BBS9: variants seen among roughly 807,000 people sequenced by gnomAD.
BBS9 encodes the protein Bardet-Biedl syndrome 9.
BBS9 carries 89 observed loss-of-function variants against 117.7 expected under a neutral mutation model. That is an observed-to-expected ratio of 0.76 (90% CI 0.64 to 0.90). BBS9 has a LOEUF of 0.90. Among genes scored for constraint, BBS9 ranks in the 40% least tolerant of loss-of-function variants. The pLI, the probability that BBS9 is intolerant of heterozygous loss-of-function variation, is 0.00. For missense variants in BBS9, 982 were observed against 1,042.2 expected (o/e 0.94, Z 0.80); for synonymous variants, 379 against 370.9 (o/e 1.02, Z -0.25).
chr7:33,226,803 G>T (rs141881918), intron 5 of BBS9, among the ~76,000 whole-genome samples: 1 of 152,156 alleles, frequency 6.6e-6, no homozygotes, highest in Non-Finnish European at 1.5e-5. Context: ...GACAAATATT[G>T]TATGATTCTT....
intron 1 of BBS9, among the ~76,000 whole-genome samples, chr7:33,144,492 G>A (rs1392873775): frequency 6.6e-6 from 1 of 152,212 alleles, no homozygotes; most frequent in African/African-American, 2.4e-5. Context: ...TGATGCACAT[G>A]TTCCCAGCTG....
chr7:33,379,572 A>C lies in BBS9; in HGVS notation c.1790-4094A>C, dbSNP rs558550937. Among the ~76,000 whole-genome samples, 5 of 152,316 alleles carry C rather than the reference A, an allele frequency of 3.3e-5. No individual in the cohort carries two copies. The East Asian group carries it at 5.8e-4, about 18-fold the overall frequency. ...GAAATTTCTGTAAAAATTTACAGCT[A>C]TATTTGAAATGACAGTAAATCGTAT... is the stretch of plus-strand genomic sequence containing the variant. On this transcript the variant is annotated intron_variant, in intron 17 of 22. Transcript: ENST00000242067.
chr7:33,574,964 G>A (rs73321064), intron 21 of BBS9, among the ~76,000 whole-genome samples: 5,855 of 151,906 alleles, frequency 0.039, 386 homozygotes, highest in African/African-American at 0.13. Context: ...TCTTGCTTAC[G>A]ATTAATTAAA....
chr7:33,229,428 A>G (rs910532947), intron 5 of BBS9, among the ~76,000 whole-genome samples: 19 of 151,804 alleles, frequency 1.3e-4, no homozygotes, highest in Non-Finnish European at 2.4e-4. Context: ...TGTTCTATGT[A>G]TTGGAGTTTT....
Position 33,336,570 on chromosome 7 carries a change from T to C in BBS9, c.1146T>C (p.Asp382=). 1 of 1,613,104 alleles carries C rather than the reference T, an allele frequency of 6.2e-7. No homozygotes were observed. Among genetic ancestry groups the C allele is most frequent in the African/African-American group, 1.3e-5 (1 of 75,036 alleles). The change falls in exon 10 of 23, where the codon GAT becomes GAC. Residue 382 remains aspartate (D), a synonymous_variant. Coordinates refer to ENST00000242067, the MANE Select transcript of BBS9 (RefSeq NM_198428.3). The part of the protein sequence containing the change: ...QSRELNYDEL[D]VEMKELQKII... ...GAGAACTAAACTATGATGAACTTGA[T>C]GTAGAAATGAAAGAACTTCAGAAAA...
intron 21 of BBS9, among the ~76,000 whole-genome samples, chr7:33,601,140 G>A (rs1013151612): frequency 6.6e-6 from 1 of 152,172 alleles, no homozygotes; most frequent in African/African-American, 2.4e-5. Context: ...ATTTGAGGAT[G>A]GAGTGAGTTA....
chr7:33,161,705 C>T (rs1794877198), intron 4 of BBS9, among the ~76,000 whole-genome samples: 2 of 152,182 alleles, frequency 1.3e-5, no homozygotes, highest in South Asian at 4.1e-4. Context: ...CACTGCCTTC[C>T]ACGATGGTTG....
At chr7:33,279,976 C>T (rs1479173668) in intron 9 of BBS9, among the ~76,000 whole-genome samples, 1 of 152,144 alleles carries the variant, frequency 6.6e-6, no homozygotes, top group Non-Finnish European at 1.5e-5. Flanking sequence ...AAGATGAGAA[C>T]CATTCTAAAC....
intron 19 of BBS9, among the ~76,000 whole-genome samples, chr7:33,488,605 T>G (rs1843437275): frequency 6.6e-6 from 1 of 152,200 alleles, no homozygotes; most frequent in Admixed American, 6.5e-5. Flanking sequence ...TTTGAAGGTC[T>G]TTTCAGATTC....
At chr7:33,469,716 T>C (rs928159902) in intron 19 of BBS9, among the ~76,000 whole-genome samples, 4 of 152,024 alleles carry the variant, frequency 2.6e-5, no homozygotes, top group Admixed American at 2.0e-4. Flanking sequence ...ACCCCACAAC[T>C]TTCCCAGCTG....
Position 33,448,329 on chromosome 7 carries a change from G to A in BBS9, c.2116-57134G>A, listed in dbSNP as rs554516260. Among the ~76,000 whole-genome samples, 40 of 152,182 alleles carry A rather than the reference G, an allele frequency of 2.6e-4. No homozygotes were observed. The East Asian group carries it at 7.7e-3, about 29-fold the overall frequency. ...TGGGCTTGGGTTGGTTTTCCAGATCGTGTCTTTTCCTGTCTGTGATGTAGT... is the reference window on the plus strand; with the variant it reads ...TGGGCTTGGGTTGGTTTTCCAGATCATGTCTTTTCCTGTCTGTGATGTAGT... On this transcript the variant is annotated intron_variant, in intron 19 of 22. Transcript: ENST00000242067.
At chr7:33,375,575 ATTTC>A (rs370471689) in intron 17 of BBS9, among the ~76,000 whole-genome samples, 10,460 of 147,390 alleles carry the variant, frequency 0.071, 284 homozygotes, top group South Asian at 0.13. Flanking sequence ...CTAATTGCAA[ATTTC>A]TTTCTTTCTT....
chr7:33,238,260 C>T (rs1226127645), intron 5 of BBS9, among the ~76,000 whole-genome samples: 2 of 151,950 alleles, frequency 1.3e-5, no homozygotes, highest in African/African-American at 4.8e-5. Flanking sequence ...GGGGCCTGAA[C>T]TTCAGGAATA....
chr7:33,468,776 C>T (rs1408581984), intron 19 of BBS9, among the ~76,000 whole-genome samples: 1 of 152,110 alleles, frequency 6.6e-6, no homozygotes, highest in Non-Finnish European at 1.5e-5. Flanking sequence ...CTTTCTGTGC[C>T]TGGCTTATTT....
intron 21 of BBS9, among the ~76,000 whole-genome samples, chr7:33,601,677 A>AAAG (rs1444042528): frequency 2.0e-5 from 3 of 152,090 alleles, no homozygotes; most frequent in Non-Finnish European, 4.4e-5. Context: ...GAGCAAGGCC[A>AAAG]AAGAGGCCTT....
chr7:33,575,852 A>G (rs1293466253), intron 21 of BBS9, among the ~76,000 whole-genome samples: 1 of 151,880 alleles, frequency 6.6e-6, no homozygotes, highest in African/African-American at 2.4e-5. Flanking sequence ...ACAAAATTCA[A>G]CAGCCCTTCA....
chr7:33,504,097 A>G (rs1845823427), intron 19 of BBS9, among the ~76,000 whole-genome samples: 1 of 152,192 alleles, frequency 6.6e-6, no homozygotes, highest in Non-Finnish European at 1.5e-5. Flanking sequence ...TGTGGACTGT[A>G]AGATATTGTG....
intron 20 of BBS9, among the ~76,000 whole-genome samples, chr7:33,527,076 G>A (rs1475901561): frequency 6.6e-6 from 1 of 151,810 alleles, no homozygotes; most frequent in Admixed American, 6.6e-5. Flanking sequence ...CAGGGGTCAG[G>A]CACCCACTTG....
At chr7:33,397,781 C>T (rs1271389710) in intron 19 of BBS9, among the ~76,000 whole-genome samples, 1 of 152,058 alleles carries the variant, frequency 6.6e-6, no homozygotes, top group Admixed American at 6.6e-5. Context: ...AACACATGGA[C>T]ACATTGTGAG....
Sources: gnomAD v4.1 joint callset for allele counts (sites outside exome capture counted in the v4.1 genomes callset) on GRCh38, gnomAD v4.1.1 for gene constraint, MANE v1.5 for transcripts, NCBI Gene and HGNC (gene_info 2026-07-23, HGNC 2026-07-21) for gene names.